Variants in LIMCH1 observed in about 807,000 individuals in gnomAD.
LIMCH1 encodes LIM and calponin homology domains 1.
A neutral mutation model predicts 176.5 loss-of-function variants in LIMCH1; 113 were observed. That is an observed-to-expected ratio of 0.64 (90% confidence interval 0.55 to 0.75). The LOEUF (loss-of-function observed/expected upper bound fraction) is 0.75, where lower values mean the gene tolerates loss of function less well. Ranked by LOEUF, LIMCH1 falls within the 30% of genes least tolerant of loss-of-function variation. The probability of loss-of-function intolerance (pLI) is 0.00; values close to 1 mark genes in which losing one functional copy is unlikely to be tolerated. For missense variants in LIMCH1, 1,674 were observed against 1,814.9 expected (o/e 0.92, Z 1.41); for synonymous variants, 619 against 645.9 (o/e 0.96, Z 0.63).
intron 30 of LIMCH1, among the ~76,000 whole-genome samples, chr4:41,690,181 G>A (rs1724362810): frequency 6.6e-6 from 1 of 152,068 alleles, no homozygotes. Flanking sequence ...GGTCCTTATA[G>A]AACCTTTCTT....
intron 18 of LIMCH1, among the ~76,000 whole-genome samples, chr4:41,660,743 G>A (rs992863090): frequency 2.6e-5 from 4 of 152,158 alleles, no homozygotes; most frequent in African/African-American, 4.8e-5. Context: ...AGTTATACAC[G>A]GAGAATGTAA....
intron 7 of LIMCH1, among the ~76,000 whole-genome samples, chr4:41,624,790 C>T (rs28635655): frequency 0.21 from 31,904 of 151,992 alleles, 8,616 homozygotes; most frequent in African/African-American, 0.63. Flanking sequence ...TAAATCATTA[C>T]CTCATTCACT....
chr4:41,570,139 A>G (rs1224950271), intron 1 of LIMCH1, among the ~76,000 whole-genome samples: 1 of 152,172 alleles, frequency 6.6e-6, no homozygotes, highest in African/African-American at 2.4e-5. Context: ...ATCCTTGGCA[A>G]TGTACTCTGT....
chr4:41,673,335 G>A (rs567286012), intron 22 of LIMCH1, among the ~76,000 whole-genome samples: 37 of 152,174 alleles, frequency 2.4e-4, no homozygotes, highest in Non-Finnish European at 4.9e-4. Context: ...GAACAAAGAT[G>A]TCAGTTGTTC....
chr4:41,668,637 A>G (rs1211072595), intron 21 of LIMCH1, among the ~76,000 whole-genome samples: 1 of 152,226 alleles, frequency 6.6e-6, no homozygotes, highest in Admixed American at 6.5e-5. Flanking sequence ...GTACTGAAAC[A>G]TTTCAAAATG....
intron 1 of LIMCH1, among the ~76,000 whole-genome samples, chr4:41,401,261 T>C (rs2058411769): frequency 6.6e-6 from 1 of 152,220 alleles, no homozygotes; most frequent in African/African-American, 2.4e-5. Context: ...GCTAGCCTGT[T>C]TTCCCAGCAC....
chr4:41,444,121 C>T (rs2062999788), intron 1 of LIMCH1, among the ~76,000 whole-genome samples: 1 of 152,032 alleles, frequency 6.6e-6, no homozygotes, highest in Non-Finnish European at 1.5e-5. Flanking sequence ...AGAGTGCTTC[C>T]AATTTCTGTG....
intron 9 of LIMCH1, among the ~76,000 whole-genome samples, chr4:41,630,443 A>G (rs2093256899): frequency 6.6e-6 from 1 of 152,172 alleles, no homozygotes; most frequent in South Asian, 2.1e-4. Flanking sequence ...ATTTATTTTG[A>G]TAGACTTGTT....
chr4:41,477,675 A>G (rs147465692), intron 1 of LIMCH1, among the ~76,000 whole-genome samples: 4 of 152,304 alleles, frequency 2.6e-5, no homozygotes, highest in African/African-American at 9.6e-5. Flanking sequence ...GTTTTTGCCA[A>G]TCCTGACTAG....
chr4:41,462,162 A>G (rs2065463215), intron 1 of LIMCH1, among the ~76,000 whole-genome samples: 1 of 152,192 alleles, frequency 6.6e-6, no homozygotes, highest in African/African-American at 2.4e-5. Flanking sequence ...CAGCCCCAGC[A>G]TCTGGTGTGG....
chr4:41,449,981 G>A (rs573645284), intron 1 of LIMCH1, among the ~76,000 whole-genome samples: 137 of 152,220 alleles, frequency 9.0e-4, no homozygotes, highest in Middle Eastern at 3.4e-3. Flanking sequence ...CCTTTATGAT[G>A]GCACCAGTCA....
At chr4:41,477,184 T>G (rs1187395708) in intron 1 of LIMCH1, among the ~76,000 whole-genome samples, 2 of 152,180 alleles carry the variant, frequency 1.3e-5, no homozygotes, top group Non-Finnish European at 2.9e-5. Context: ...TGGTCTGTAC[T>G]TTTGTTTCTT....
chr4:41,578,876 AT>A (rs998080272), intron 1 of LIMCH1, among the ~76,000 whole-genome samples: 2 of 151,750 alleles, frequency 1.3e-5, no homozygotes, highest in Non-Finnish European at 2.9e-5. Flanking sequence ...TAATTTTTAA[AT>A]TTTTTTATAG....
At chr4:41,446,354 T>C (rs1207230059) in intron 1 of LIMCH1, among the ~76,000 whole-genome samples, 1 of 152,180 alleles carries the variant, frequency 6.6e-6, no homozygotes, top group Non-Finnish European at 1.5e-5. Flanking sequence ...CCGACAAAAG[T>C]GTTTGTTAAA....
intron 1 of LIMCH1, among the ~76,000 whole-genome samples, chr4:41,484,281 A>G (rs1278983184): frequency 6.6e-6 from 1 of 152,178 alleles, no homozygotes; most frequent in African/African-American, 2.4e-5. Context: ...TGTGATTTCT[A>G]CAGGGTTGGG....
At chr4:41,682,214 T>A in intron 25 of LIMCH1, 119 bp from the exon 26 acceptor site, 1 of 668,598 alleles carries the variant, frequency 1.5e-6, no homozygotes, top group Non-Finnish European at 2.4e-6. Flanking sequence ...TTTGGACAAC[T>A]GTTCTTTAAA....
At chr4:41,504,983 A>AG (rs1388450132) in intron 2 of LIMCH1, among the ~76,000 whole-genome samples, 1 of 152,218 alleles carries the variant, frequency 6.6e-6, no homozygotes, top group Non-Finnish European at 1.5e-5. Flanking sequence ...AACCTCTTTG[A>AG]GTCCCCCAGT....
At chr4:41,631,512 A>G in intron 10 of LIMCH1, 35 bp downstream of exon 10, 1 of 1,447,980 alleles carries the variant, frequency 6.9e-7, no homozygotes, top group Non-Finnish European at 9.1e-7. Flanking sequence ...GGATATCTGC[A>G]TGGGAGTCAC....
intron 2 of LIMCH1, among the ~76,000 whole-genome samples, chr4:41,522,637 A>G (rs1226176291): frequency 6.6e-6 from 1 of 152,188 alleles, no homozygotes; most frequent in African/African-American, 2.4e-5. Flanking sequence ...TATCATATCT[A>G]TCTGTGTATT....
Sources: gnomAD v4.1 joint callset for allele counts (sites outside exome capture counted in the v4.1 genomes callset) on GRCh38, gnomAD v4.1.1 for gene constraint, MANE v1.5 for transcripts, NCBI Gene and HGNC (gene_info 2026-07-23, HGNC 2026-07-21) for gene names.